The following RIMS2 variants were observed in gnomAD, a reference collection of about 807,000 sequenced individuals.
The protein encoded by RIMS2 is regulating synaptic membrane exocytosis protein 2.
RIMS2 carries 59 observed loss-of-function variants against 174.4 expected under a neutral mutation model. The ratio of observed to expected loss-of-function variants is 0.34; its 90% CI spans 0.27 to 0.42. The LOEUF (loss-of-function observed/expected upper bound fraction) is 0.42, where lower values mean the gene tolerates loss of function less well. RIMS2 is among the 10% of genes least tolerant of loss of function. RIMS2 has a pLI of 1.00. For missense variants in RIMS2, 1,620 were observed against 1,666.3 expected (o/e 0.97, Z 0.48); for synonymous variants, 606 against 572.5 (o/e 1.06, Z -0.84).
chr8:103,793,280 C>A (rs966630449), intron 3 of RIMS2, among the ~76,000 whole-genome samples: 2 of 152,100 alleles, frequency 1.3e-5, no homozygotes, highest in Non-Finnish European at 2.9e-5. Context: ...GTTCAACATA[C>A]GCAAATCAGT....
intron 19 of RIMS2, among the ~76,000 whole-genome samples, chr8:104,199,101 G>A (rs758553637): frequency 7.3e-5 from 11 of 151,524 alleles, no homozygotes; most frequent in South Asian, 2.1e-4. Flanking sequence ...TCTCTTTGTC[G>A]CTCAGGCTGG....
At chr8:103,918,323 A>G in intron 8 of RIMS2, 118 bp from the exon 12 acceptor site, 2 of 577,110 alleles carry the variant, frequency 3.5e-6, no homozygotes, top group Admixed American at 3.2e-5. Flanking sequence ...TGCCACTATT[A>G]TACACAGTTT....
At chr8:104,235,628 T>C (rs779806753) in intron 19 of RIMS2, among the ~76,000 whole-genome samples, 4 of 152,082 alleles carry the variant, frequency 2.6e-5, no homozygotes, top group African/African-American at 4.8e-5. Flanking sequence ...ATTGACTTTA[T>C]CTTTTCTCTT....
chr8:103,875,826 T>C (rs2099133725), intron 3 of RIMS2, among the ~76,000 whole-genome samples: 1 of 152,072 alleles, frequency 6.6e-6, no homozygotes, highest in Non-Finnish European at 1.5e-5. Context: ...AGATGGTATC[T>C]CACTGTGATT....
At chr8:104,089,843 T>A (rs1294520046) in intron 19 of RIMS2, among the ~76,000 whole-genome samples, 2 of 151,778 alleles carry the variant, frequency 1.3e-5, no homozygotes, top group African/African-American at 4.8e-5. Flanking sequence ...TTTGAATATA[T>A]TATTTTGAAT....
chr8:104,206,178 A>C (rs1177695875), intron 19 of RIMS2, among the ~76,000 whole-genome samples: 1 of 152,150 alleles, frequency 6.6e-6, no homozygotes, highest in Non-Finnish European at 1.5e-5. Context: ...TGTAATTGTC[A>C]AAGTTTGTTT....
intron 19 of RIMS2, among the ~76,000 whole-genome samples, chr8:104,157,188 C>G (rs984972542): frequency 6.6e-6 from 1 of 152,074 alleles, no homozygotes; most frequent in African/African-American, 2.4e-5. Flanking sequence ...ATGAGGTAAA[C>G]AAAACATTTT....
chr8:103,626,646 T>G (rs1419781853), intron 1 of RIMS2, among the ~76,000 whole-genome samples: 1 of 152,180 alleles, frequency 6.6e-6, no homozygotes, highest in African/African-American at 2.4e-5. Context: ...CCCCCAATAT[T>G]TCCACGTAGG....
Position 103,805,167 on chromosome 8 carries a change from A to G in RIMS2, c.698+38630A>G, listed in dbSNP as rs112220974. ...TGTATGTGTAATACTTAATAATGGTACTAATTGTTATTTCTCTTGAGTGTT... is the reference window on the plus strand; with the variant it reads ...TGTATGTGTAATACTTAATAATGGTGCTAATTGTTATTTCTCTTGAGTGTT... On this transcript the variant is annotated intron_variant, in intron 3 of 23. Transcript: ENST00000504942. Among the ~76,000 whole-genome samples, 655 of 152,230 alleles carry G rather than the reference A, an allele frequency of 4.3e-3. 6 individuals carry two copies. Among genetic ancestry groups the G allele is most frequent in the African/African-American group, 0.015 (614 of 41,536 alleles).
intron 19 of RIMS2, among the ~76,000 whole-genome samples, chr8:104,150,725 T>C (rs10505056): frequency 0.28 from 43,032 of 152,044 alleles, 6,272 homozygotes; most frequent in Non-Finnish European, 0.32. Context: ...ATGAGGCTAG[T>C]AGATAAATAG....
intron 17 of RIMS2, among the ~76,000 whole-genome samples, chr8:103,995,628 G>T (rs1055617072): frequency 1.3e-5 from 2 of 152,020 alleles, no homozygotes; most frequent in African/African-American, 4.8e-5. Context: ...GATGAAGATT[G>T]AAAGTAGTTT....
Position 104,010,791 on chromosome 8 carries a change from C to T in RIMS2, c.3045-2651C>T, listed in dbSNP as rs920752480. ...GAGGGGGCCCTGGCTTTTTCAGTGG[C>T]TTACCCTTTGGTAATCTGATAAAAC... On this transcript the variant is annotated intron_variant, in intron 17 of 23. Transcript: ENST00000504942. Among the ~76,000 whole-genome samples the T allele has an allele frequency of 3.3e-5, 5 of 152,066 alleles. 1 individual carries two copies. The highest frequency in any genetic ancestry group is 1.2e-4 in the African/African-American group (5 of 41,416).
At chr8:103,661,468 T>G (rs550794059) in intron 1 of RIMS2, among the ~76,000 whole-genome samples, 26 of 152,290 alleles carry the variant, frequency 1.7e-4, no homozygotes, top group African/African-American at 6.3e-4. Context: ...ATTTCCCTAA[T>G]TTCCCATTTA....
intron 19 of RIMS2, among the ~76,000 whole-genome samples, chr8:104,060,944 A>G (rs1598000665): frequency 6.6e-6 from 1 of 152,206 alleles, no homozygotes; most frequent in East Asian, 1.9e-4. Context: ...ACAGTTTGTT[A>G]TAATCTCTGT....
intron 19 of RIMS2, among the ~76,000 whole-genome samples, chr8:104,151,555 G>A (rs779910236): frequency 1.3e-5 from 2 of 150,454 alleles, no homozygotes; most frequent in Admixed American, 6.7e-5. Context: ...GTGACGGAGC[G>A]AGACTCTGTC....
chr8:103,633,391 C>G (rs1443198342), intron 1 of RIMS2, among the ~76,000 whole-genome samples: 1 of 152,012 alleles, frequency 6.6e-6, no homozygotes, highest in Non-Finnish European at 1.5e-5. Context: ...GGGATGAAGC[C>G]TACTTGATCA....
intron 1 of RIMS2, among the ~76,000 whole-genome samples, chr8:103,598,412 T>G (rs754529426): frequency 3.9e-5 from 6 of 152,194 alleles, no homozygotes; most frequent in Non-Finnish European, 8.8e-5. Flanking sequence ...GATGTCAAGA[T>G]ACTGAAATAA....
chr8:103,878,064 T>G (rs2099149881), intron 3 of RIMS2, among the ~76,000 whole-genome samples: 1 of 151,754 alleles, frequency 6.6e-6, no homozygotes, highest in Non-Finnish European at 1.5e-5. Context: ...TGGTTTCTCC[T>G]ATGCTGTTCT....
intron 11 of RIMS2, 71 bp from the exon 14 acceptor site, chr8:103,931,192 G>T: frequency 8.6e-7 from 1 of 1,163,974 alleles, no homozygotes; most frequent in Non-Finnish European, 1.2e-6. Flanking sequence ...ATGGGGTGAA[G>T]ATTGGAAAAG....
Sources: allele counts gnomAD v4.1 joint callset (sites outside exome capture counted in the v4.1 genomes callset), GRCh38; gene constraint gnomAD v4.1.1; transcripts MANE v1.5; gene names NCBI Gene and HGNC (gene_info 2026-07-23, HGNC 2026-07-21).